Variants in ZNF638 observed in about 807,000 individuals in gnomAD.
The protein encoded by ZNF638 is CTCL tumor antigen se33-1.
ZNF638 carries 46 observed loss-of-function variants against 195.6 expected under a neutral mutation model. The ratio of observed to expected loss-of-function variants is 0.24; its 90% confidence interval spans 0.19 to 0.30. The LOEUF is 0.30. Among genes scored for constraint, ZNF638 ranks in the 10% least tolerant of loss-of-function variants. ZNF638 has a pLI of 1.00. For synonymous variants in ZNF638, 845 were observed against 772.0 expected (o/e 1.09, Z -1.57); for missense variants, 2,440 against 2,325.3 (o/e 1.05, Z -1.01).
At chr2:71,339,313 C>T (rs139529601) in intron 1 of ZNF638, among the ~76,000 whole-genome samples, 1,752 of 152,114 alleles carry the variant, frequency 0.012, 17 homozygotes, top group Middle Eastern at 0.031. Context: ...CCAGCACACC[C>T]GGCTAATTTT....
At chr2:71,392,466 T>TACA (rs2079801767) in intron 10 of ZNF638, among the ~76,000 whole-genome samples, 1 of 149,196 alleles carries the variant, frequency 6.7e-6, no homozygotes, top group African/African-American at 2.4e-5. Flanking sequence ...TGACTCTGTT[T>TACA]GTTTGTTGCA....
intron 11 of ZNF638, among the ~76,000 whole-genome samples, chr2:71,397,337 G>A (rs1470281622): frequency 6.6e-6 from 1 of 152,176 alleles, no homozygotes; most frequent in Non-Finnish European, 1.5e-5. Flanking sequence ...GCTCACTGAG[G>A]CTCAGTTTAC....
At chr2:71,345,206 G>A (rs2078830446) in intron 1 of ZNF638, among the ~76,000 whole-genome samples, 1 of 152,126 alleles carries the variant, frequency 6.6e-6, no homozygotes, top group South Asian at 2.1e-4. Context: ...AAAAAACACA[G>A]TATATATAGG....
At chr2:71,340,457 C>A (rs2078744883) in intron 1 of ZNF638, among the ~76,000 whole-genome samples, 1 of 152,154 alleles carries the variant, frequency 6.6e-6, no homozygotes, top group Non-Finnish European at 1.5e-5. Flanking sequence ...GTTTTTATAG[C>A]TGAATAAACA....
At chr2:71,386,018 A>G (rs2079630297) in intron 10 of ZNF638, among the ~76,000 whole-genome samples, 1 of 152,224 alleles carries the variant, frequency 6.6e-6, no homozygotes, top group Non-Finnish European at 1.5e-5. Context: ...ATACTACCAT[A>G]TTAAAAAAAG....
intron 20 of ZNF638, among the ~76,000 whole-genome samples, chr2:71,409,099 T>C (rs2080161594): frequency 6.6e-6 from 1 of 152,148 alleles, no homozygotes; most frequent in Non-Finnish European, 1.5e-5. Context: ...CAGAAATCCT[T>C]ATCCCAGAAA....
intron 17 of ZNF638, 27 bp downstream of exon 17, chr2:71,404,025 C>A: frequency 6.3e-7 from 1 of 1,581,938 alleles, no homozygotes; most frequent in South Asian, 1.2e-5. Flanking sequence ...TTTTTACTAG[C>A]TCTTACTAAG....
At chr2:71,393,087 A>G (rs1558864846) in intron 10 of ZNF638, among the ~76,000 whole-genome samples, 2 of 152,248 alleles carry the variant, frequency 1.3e-5, no homozygotes. Flanking sequence ...AACATTCCAC[A>G]GGCATCCCGT....
chr2:71,398,750 T>C lies in ZNF638; in HGVS notation c.2478T>C (p.Gly826=). 6.2e-7 allele frequency: 1 copy of C among 1,613,188 alleles called. No homozygotes were observed. The highest frequency in any genetic ancestry group is 8.5e-7 in the Non-Finnish European group (1 of 1,179,366). The change falls in exon 12 of 28, where the codon GGT becomes GGC. Residue 826 remains glycine (G), a synonymous_variant. Transcript: ENST00000264447. ...VKSVVTVAVK[G]NKASIKTAKS... is the part of the protein sequence containing the mutation. Reference sequence around the variant, plus strand: ...CTGTGGTAACGGTAGCTGTTAAAGGTAATAAAGCTTCAATCAAAACAGGTA... The same window carrying C: ...CTGTGGTAACGGTAGCTGTTAAAGGCAATAAAGCTTCAATCAAAACAGGTA...
chr2:71,345,091 A>G (rs2078827938), intron 1 of ZNF638, among the ~76,000 whole-genome samples: 1 of 152,214 alleles, frequency 6.6e-6, no homozygotes, highest in Non-Finnish European at 1.5e-5. Context: ...GAGCAACCAC[A>G]TTCATAAAAC....
intron 22 of ZNF638, 55 bp from the exon 23 acceptor site, chr2:71,424,595 A>G (rs192952376): frequency 4.0e-4 from 573 of 1,428,782 alleles, no homozygotes; most frequent in Admixed American, 5.0e-4. Context: ...TTTCCAGAAC[A>G]TTAATAATAT....
Position 71,363,266 on chromosome 2 carries a change from A to G in ZNF638, c.1418+75A>G, listed in dbSNP as rs558971554. 7 of 1,146,342 alleles carry G rather than the reference A, an allele frequency of 6.1e-6. No homozygotes were observed. In the South Asian group the frequency reaches 7.3e-5, roughly 12 times the overall value. 71.0% of individuals were successfully genotyped at this position (1,146,342 alleles called of 1,614,324 possible). A position where few individuals can be genotyped will look rare whatever the true frequency, so the allele number is the denominator to read the frequency against. The stretch of plus-strand genomic sequence containing the variant: ...GTAAACAGTTAATTTTAAGAAAGTG[A>G]TTCTTTTGAGTTCTACTTCTGCCAT... On this transcript the variant is annotated intron_variant, in intron 4 of 27. Transcript: ENST00000264447.
intron 10 of ZNF638, among the ~76,000 whole-genome samples, chr2:71,393,014 C>G (rs1398434132): frequency 6.6e-6 from 1 of 152,182 alleles, no homozygotes; most frequent in African/African-American, 2.4e-5. Context: ...AAAATTAAAA[C>G]TGATAATAAT....
chr2:71,369,263 C>T (rs2079262813), intron 7 of ZNF638, among the ~76,000 whole-genome samples: 1 of 146,686 alleles, frequency 6.8e-6, no homozygotes, highest in South Asian at 2.1e-4. Context: ...GCAGAGGTTG[C>T]AGTGACTAGA....
At chr2:71,356,780 CAAA>C (rs368403112) in intron 3 of ZNF638, among the ~76,000 whole-genome samples, 5 of 143,350 alleles carry the variant, frequency 3.5e-5, no homozygotes, top group Non-Finnish European at 6.1e-5. Context: ...CAGCCTGTTT[CAAA>C]AAAAAAAAAA....
intron 2 of ZNF638, among the ~76,000 whole-genome samples, chr2:71,353,421 G>A (rs1031112253): frequency 6.6e-6 from 1 of 152,178 alleles, no homozygotes; most frequent in African/African-American, 2.4e-5. Context: ...TTCTGAGCCT[G>A]CCTAATTCTG....
chr2:71,346,112 ACT>A (rs956983354), intron 1 of ZNF638, among the ~76,000 whole-genome samples: 5 of 152,182 alleles, frequency 3.3e-5, no homozygotes, highest in Admixed American at 1.3e-4. Context: ...TAATTAGATC[ACT>A]CTGATTGAAA....
Position 71,402,097 on chromosome 2 carries a change from G to C in ZNF638, c.2829+10G>C. On this transcript the variant is annotated intron_variant, in intron 16 of 27. Coordinates refer to ENST00000264447, the MANE Select transcript of ZNF638 (RefSeq NM_014497.5). ...ATCATCTCATAAAAAGGTAAGAGTTGATTAATAGCTGTTCATATCCTCTGC... is the reference window on the plus strand; with the variant it reads ...ATCATCTCATAAAAAGGTAAGAGTTCATTAATAGCTGTTCATATCCTCTGC... 6.3e-7 allele frequency: 1 copy of C among 1,598,846 alleles called. No individual in the cohort carries two copies. The highest frequency in any genetic ancestry group is 8.5e-7 in the Non-Finnish European group (1 of 1,173,396).
intron 1 of ZNF638, chr2:71,341,568 T>A (rs2078762258): frequency 6.6e-6 from 1 of 152,202 alleles, no homozygotes; most frequent in Non-Finnish European, 1.5e-5. Context: ...TTTGCAGCTT[T>A]ATTGTTTCTG....
Sources: allele counts gnomAD v4.1 joint callset (sites outside exome capture counted in the v4.1 genomes callset), GRCh38; gene constraint gnomAD v4.1.1; transcripts MANE v1.5; gene names NCBI Gene and HGNC (gene_info 2026-07-23, HGNC 2026-07-21).